DTD1: variants seen among roughly 807,000 people sequenced by gnomAD.
The protein encoded by DTD1 is D-aminoacyl-tRNA deacylase 1, also known as D-tyrosyl-tRNA deacylase 1 homolog.
DTD1 carries 13 observed loss-of-function variants against 25.6 expected under a neutral mutation model. The ratio of observed to expected loss-of-function variants is 0.51; its 90% CI spans 0.33 to 0.81. DTD1 has a LOEUF of 0.81. DTD1 is among the 30% of genes least tolerant of loss of function. DTD1 has a pLI of 0.02. For synonymous variants in DTD1, 110 were observed against 103.6 expected, an observed-to-expected ratio of 1.06 and a Z score of -0.37; for missense variants, 193 against 266.4, an observed-to-expected ratio of 0.72 and a Z score of 1.92.
At chr20:18,627,121 C>T (rs1221113314) in intron 3 of DTD1, among the ~76,000 whole-genome samples, 4 of 152,198 alleles carry the variant, frequency 2.6e-5, no homozygotes, top group Non-Finnish European at 5.9e-5. Flanking sequence ...ATTAATCTTG[C>T]TTATAAACAT....
chr20:18,671,187 C>A (rs1311637244), intron 4 of DTD1, among the ~76,000 whole-genome samples: 1 of 152,160 alleles, frequency 6.6e-6, no homozygotes, highest in Non-Finnish European at 1.5e-5. Context: ...CTTTCTCATT[C>A]TCTAGTATTT....
intron 4 of DTD1, among the ~76,000 whole-genome samples, chr20:18,677,185 G>A (rs945734039): frequency 2.0e-5 from 3 of 152,090 alleles, no homozygotes; most frequent in Non-Finnish European, 4.4e-5. Context: ...CAGCCCAAGT[G>A]CATTTGAAAT....
intron 1 of DTD1, 66 bp downstream of exon 1, chr20:18,588,181 G>T (rs1174119757): frequency 5.0e-6 from 6 of 1,201,934 alleles, no homozygotes; most frequent in Non-Finnish European, 6.2e-6. Flanking sequence ...TGTCTTGCGT[G>T]GGGGGTCTTC....
At chr20:18,629,581 G>GTGTGAACTACCGCGC (rs1555796757) in intron 4 of DTD1, among the ~76,000 whole-genome samples, 1 of 151,874 alleles carries the variant, frequency 6.6e-6, no homozygotes. Context: ...GAGATTACAG[G>GTGTGAACTACCGCGC]CAAGAGTCAC....
chr20:18,658,755 T>C (rs2122367328), intron 4 of DTD1, among the ~76,000 whole-genome samples: 1 of 152,350 alleles, frequency 6.6e-6, no homozygotes, highest in Non-Finnish European at 1.5e-5. Flanking sequence ...AGAGTCAGTC[T>C]TTATTAACAC....
At chr20:18,620,134 A>T (rs2060727700) in intron 3 of DTD1, 1 of 152,062 alleles carries the variant, frequency 6.6e-6, no homozygotes, top group Non-Finnish European at 1.5e-5. Context: ...TTTCTCCCAC[A>T]TTGTCCTTTA....
chr20:18,630,878 A>G, intron 4 of DTD1: 1 of 166,106 alleles, frequency 6.0e-6, no homozygotes, highest in Non-Finnish European at 1.2e-5. Context: ...TATTGAGGTA[A>G]TACATGTTGA....
chr20:18,719,560 G>C (rs1028779849), intron 4 of DTD1, among the ~76,000 whole-genome samples: 1 of 152,230 alleles, frequency 6.6e-6, no homozygotes, highest in South Asian at 2.1e-4. Context: ...GGAAACAGGC[G>C]TTGTTTGTGG....
intron 4 of DTD1, among the ~76,000 whole-genome samples, chr20:18,724,446 A>G (rs917583356): frequency 5.9e-5 from 9 of 152,178 alleles, no homozygotes; most frequent in East Asian, 3.9e-4. Flanking sequence ...GGAGAATTCT[A>G]TTGCCCAAGA....
chr20:18,726,251 G>A (rs1349536555), intron 4 of DTD1, among the ~76,000 whole-genome samples: 1 of 152,120 alleles, frequency 6.6e-6, no homozygotes, highest in Non-Finnish European at 1.5e-5. Flanking sequence ...AGTGACAATG[G>A]GGGCATTTTC....
chr20:18,619,676 C>G (rs962565545), intron 3 of DTD1, among the ~76,000 whole-genome samples: 4 of 151,818 alleles, frequency 2.6e-5, no homozygotes, highest in Admixed American at 6.6e-5. Flanking sequence ...CTGCCCGCCT[C>G]GGCCTCCCAA....
intron 4 of DTD1, among the ~76,000 whole-genome samples, chr20:18,693,280 G>A (rs941047325): frequency 1.3e-5 from 2 of 152,170 alleles, no homozygotes; most frequent in Non-Finnish European, 2.9e-5. Flanking sequence ...GGGAACATTT[G>A]TTTATATGAC....
At chr20:18,732,207 G>C (rs926556189) in intron 4 of DTD1, among the ~76,000 whole-genome samples, 1 of 152,180 alleles carries the variant, frequency 6.6e-6, no homozygotes, top group African/African-American at 2.4e-5. Flanking sequence ...TAAGACTCTA[G>C]TAAATTGAAG....
chr20:18,655,708 A>G (rs1385314086), intron 4 of DTD1, among the ~76,000 whole-genome samples: 1 of 152,178 alleles, frequency 6.6e-6, no homozygotes, highest in East Asian at 1.9e-4. Flanking sequence ...AGGGTATTTC[A>G]TTGAATGGCC....
At chr20:18,598,763 C>A (rs993073337) in intron 3 of DTD1, among the ~76,000 whole-genome samples, 3 of 151,682 alleles carry the variant, frequency 2.0e-5, no homozygotes, top group Non-Finnish European at 4.4e-5. Flanking sequence ...CCTGTCTTGG[C>A]CTCCCAAAGT....
chr20:18,670,115 A>G, intron 4 of DTD1, among the ~76,000 whole-genome samples: 1 of 152,118 alleles, frequency 6.6e-6, no homozygotes, highest in South Asian at 2.1e-4. Context: ...GTGTGTGTGT[A>G]CTGCTGATGT....
intron 3 of DTD1, among the ~76,000 whole-genome samples, chr20:18,623,647 AC>A (rs1377318818): frequency 6.6e-6 from 1 of 152,142 alleles, no homozygotes; most frequent in Non-Finnish European, 1.5e-5. Context: ...CCGCTTCTGC[AC>A]CCACCCTGGC....
intron 4 of DTD1, among the ~76,000 whole-genome samples, chr20:18,634,417 A>G (rs1456485594): frequency 6.6e-6 from 1 of 152,224 alleles, no homozygotes; most frequent in African/African-American, 2.4e-5. Context: ...ATTTAGTGCC[A>G]TCGAAGCCCT....
chr20:18,651,183 A>C (rs2060872676), intron 4 of DTD1, among the ~76,000 whole-genome samples: 1 of 152,120 alleles, frequency 6.6e-6, no homozygotes, highest in African/African-American at 2.4e-5. Flanking sequence ...ATGGAGTCTC[A>C]CTCTGTTATG....
Sources: allele counts gnomAD v4.1 joint callset (sites outside exome capture counted in the v4.1 genomes callset), GRCh38; gene constraint gnomAD v4.1.1; transcripts MANE v1.5; gene names NCBI Gene and HGNC (gene_info 2026-07-23, HGNC 2026-07-21).